The following DOCK3 variants were observed in gnomAD, a reference collection of about 807,000 sequenced individuals.
The protein encoded by DOCK3 is dedicator of cytokinesis 3, also known as dedicator of cytokinesis protein 3.
Under a neutral mutation model 265.6 loss-of-function variants are expected in DOCK3, and 60 were observed. That is an observed-to-expected ratio of 0.23 (90% CI 0.18 to 0.28). The LOEUF is 0.28. Among genes scored for constraint, DOCK3 ranks in the 10% least tolerant of loss-of-function variants. The pLI is 1.00. For missense variants in DOCK3, 1,981 were observed against 2,594.3 expected, an observed-to-expected ratio of 0.76 and a Z score of 5.14; for synonymous variants, 881 against 938.0, an observed-to-expected ratio of 0.94 and a Z score of 1.11.
At chr3:50,738,009 G>T (rs1328817190) in intron 1 of DOCK3, among the ~76,000 whole-genome samples, 1 of 152,124 alleles carries the variant, frequency 6.6e-6, no homozygotes, top group Non-Finnish European at 1.5e-5. Flanking sequence ...GAAAAAATAG[G>T]CACCTCTTTC....
intron 9 of DOCK3, among the ~76,000 whole-genome samples, chr3:51,134,130 A>G (rs1159288552): frequency 6.6e-6 from 1 of 152,128 alleles, no homozygotes; most frequent in Non-Finnish European, 1.5e-5. Flanking sequence ...TTATGGCTGC[A>G]TAGTAGTCCA....
chr3:51,208,179 G>A (rs1179147888), intron 12 of DOCK3, among the ~76,000 whole-genome samples: 1 of 152,220 alleles, frequency 6.6e-6, no homozygotes, highest in Admixed American at 6.5e-5. Context: ...TAGGCATCCA[G>A]CTTTGTCTGC....
At chr3:51,022,605 T>G (rs1437222423) in intron 5 of DOCK3, among the ~76,000 whole-genome samples, 1 of 152,172 alleles carries the variant, frequency 6.6e-6, no homozygotes, top group African/African-American at 2.4e-5. Flanking sequence ...TCTTATAGAT[T>G]CTGGGTATTA....
At chr3:51,282,489 A>G (rs997509600) in intron 27 of DOCK3, among the ~76,000 whole-genome samples, 2 of 151,982 alleles carry the variant, frequency 1.3e-5, no homozygotes, top group African/African-American at 2.4e-5. Flanking sequence ...CCCTGTCTCT[A>G]CTAAAAATAC....
At chr3:51,283,776 C>T (rs555163027) in intron 27 of DOCK3, among the ~76,000 whole-genome samples, 3 of 152,196 alleles carry the variant, frequency 2.0e-5, no homozygotes, top group Non-Finnish European at 4.4e-5. Context: ...CATCCTAAAC[C>T]TCCCCGTTCT....
chr3:51,294,527 A>G (rs1475682495), intron 27 of DOCK3, among the ~76,000 whole-genome samples: 1 of 152,050 alleles, frequency 6.6e-6, no homozygotes, highest in Non-Finnish European at 1.5e-5. Flanking sequence ...AAATACAAAA[A>G]AATAGCCAGG....
chr3:50,907,711 C>G (rs993645773), intron 4 of DOCK3, among the ~76,000 whole-genome samples: 17 of 152,068 alleles, frequency 1.1e-4, no homozygotes, highest in Non-Finnish European at 2.1e-4. Context: ...ATCCAATTTG[C>G]CAGTCTGTGC....
chr3:51,100,894 A>G (rs930036417), intron 9 of DOCK3, among the ~76,000 whole-genome samples: 7 of 151,770 alleles, frequency 4.6e-5, no homozygotes, highest in African/African-American at 1.7e-4. Context: ...TCCTGGGCTC[A>G]AGTGATTCTC....
chr3:51,200,855 G>A (rs1402252357), intron 12 of DOCK3, among the ~76,000 whole-genome samples: 1 of 152,182 alleles, frequency 6.6e-6, no homozygotes, highest in Non-Finnish European at 1.5e-5. Context: ...CCAGAAGAGA[G>A]TGGGGGCCAA....
intron 2 of DOCK3, among the ~76,000 whole-genome samples, chr3:50,809,731 G>A (rs1039576557): frequency 1.2e-4 from 19 of 152,162 alleles, no homozygotes; most frequent in African/African-American, 4.3e-4. Flanking sequence ...GTTAGTTATT[G>A]CTACATACAA....
rs1171036373 is a variant in DOCK3 at position 51,228,645 on chromosome 3, C to T, written c.1648-16C>T. ...CATGGCTCAGGGGACATTTTTTTCT[C>T]CATTTTTGCCTACAGTGTGATGAGA... is the stretch of plus-strand genomic sequence containing the variant. On this transcript the variant is annotated splice_polypyrimidine_tract_variant and intron_variant, in intron 17 of 52. Transcript: ENST00000266037. 18 of 1,600,406 alleles carry T rather than the reference C, an allele frequency of 1.1e-5. No individual in the cohort carries two copies. Among genetic ancestry groups the T allele is most frequent in the Admixed American group, 8.8e-5 (5 of 57,132 alleles).
intron 1 of DOCK3, among the ~76,000 whole-genome samples, chr3:50,747,879 G>GT (rs1464042452): frequency 2.0e-5 from 3 of 151,882 alleles, no homozygotes; most frequent in African/African-American, 7.2e-5. Flanking sequence ...AAAAAGGGGG[G>GT]GGGTATTGTT....
Position 51,211,286 on chromosome 3 carries a change from T to C in DOCK3, c.1126+2424T>C, listed in dbSNP as rs116878237. Reference sequence around the variant, plus strand: ...TCCAATAAGAGGTTCAGTAAGAAAATGGTTTTCTTGTGTCAGGTAATCAGT... The same window carrying C: ...TCCAATAAGAGGTTCAGTAAGAAAACGGTTTTCTTGTGTCAGGTAATCAGT... On this transcript the variant is annotated intron_variant, in intron 13 of 52. Coordinates refer to ENST00000266037, the MANE Select transcript of DOCK3 (RefSeq NM_004947.5). Among the ~76,000 whole-genome samples, 43 of 152,230 alleles carry C rather than the reference T, an allele frequency of 2.8e-4. No homozygotes were observed. The East Asian group carries it at 8.1e-3, about 29-fold the overall frequency.
chr3:51,244,298 CATCTTTAATAACAATAT>C (rs2078731276), intron 21 of DOCK3, among the ~76,000 whole-genome samples: 2 of 151,884 alleles, frequency 1.3e-5, no homozygotes. Context: ...GTAGCATTTA[CATCTTTAATAACAATAT>C]TAAACCTTCT....
At chr3:51,349,064 T>G in intron 39 of DOCK3, 126 bp downstream of exon 39, 1 of 881,760 alleles carries the variant, frequency 1.1e-6, no homozygotes. Context: ...CCAAGACTCC[T>G]GCCCTCAGGA....
intron 23 of DOCK3, among the ~76,000 whole-genome samples, chr3:51,267,768 A>T (rs2080277772): frequency 1.3e-5 from 2 of 152,206 alleles, no homozygotes; most frequent in Non-Finnish European, 2.9e-5. Context: ...TAGACTAGAT[A>T]AAGAAAATGT....
chr3:50,744,852 G>A (rs1048634229), intron 1 of DOCK3, among the ~76,000 whole-genome samples: 9 of 152,060 alleles, frequency 5.9e-5, no homozygotes, highest in African/African-American at 2.2e-4. Flanking sequence ...CCATTTAATG[G>A]TCTTGGCACC....
Position 50,972,957 on chromosome 3 carries a change from A to G in DOCK3, c.315+38880A>G, listed in dbSNP as rs571284646. ...TATTTCTGTGAATAATGTCATTGGT[A>G]TTTTGATAGGGATTTCACTGAATCT... On this transcript the variant is annotated intron_variant, in intron 5 of 52. Transcript: ENST00000266037. 3.9e-5 allele frequency among the ~76,000 whole-genome samples: 5 copies of G among 127,758 alleles called. No homozygotes were observed. In the East Asian group the frequency reaches 9.9e-4, roughly 25 times the overall value. 83.8% of individuals were successfully genotyped at this position (127,758 alleles called of 152,430 possible). A position where few individuals can be genotyped will look rare whatever the true frequency, so the allele number is the denominator to read the frequency against.
intron 2 of DOCK3, among the ~76,000 whole-genome samples, chr3:50,821,144 T>C (rs1056362685): frequency 1.1e-4 from 13 of 119,810 alleles, no homozygotes; most frequent in African/African-American, 1.4e-4. Flanking sequence ...TTTTTTCTTT[T>C]TTTTTTTTTT....
Sources: allele counts gnomAD v4.1 joint callset (sites outside exome capture counted in the v4.1 genomes callset), GRCh38; gene constraint gnomAD v4.1.1; transcripts MANE v1.5; gene names NCBI Gene and HGNC (gene_info 2026-07-23, HGNC 2026-07-21).